ZNF578: variants seen among roughly 807,000 people sequenced by gnomAD.
The protein encoded by ZNF578 is Putative chemokine-related protein B42.
A neutral mutation model predicts 8.3 loss-of-function variants in ZNF578; 8 were observed. The observed-to-expected ratio is 0.96, with a 90% CI of 0.56 to 1.74. The LOEUF (loss-of-function observed/expected upper bound fraction) is 1.74, where lower values mean the gene tolerates loss of function less well. ZNF578 is among the 40% of genes most tolerant of loss of function. The pLI is 0.00. For missense variants in ZNF578, 726 were observed against 707.5 expected (o/e 1.03, Z -0.30); for synonymous variants, 206 against 232.2 (o/e 0.89, Z 1.03).
intron 2 of ZNF578, chr19:52,458,021 G>T: frequency 6.5e-6 from 1 of 154,026 alleles, no homozygotes; most frequent in South Asian, 1.8e-4. Flanking sequence ...ACTGCTCTTG[G>T]GCAGCAGGAA....
At chr19:52,473,271 G>A (rs138472222) in intron 2 of ZNF578, 30 of 155,318 alleles carry the variant, frequency 1.9e-4, no homozygotes, top group African/African-American at 7.0e-4. Context: ...TGCGGTGTAA[G>A]TTGTGATTTG....
chr19:52,477,003 A>G (rs1170788044), intron 2 of ZNF578, among the ~76,000 whole-genome samples: 1 of 152,236 alleles, frequency 6.6e-6, no homozygotes, highest in East Asian at 1.9e-4. Context: ...GAGAATAAGC[A>G]ACAATTGAGC....
chr19:52,506,988 T>C (rs1288241842), intron 5 of ZNF578, among the ~76,000 whole-genome samples: 24 of 152,180 alleles, frequency 1.6e-4, no homozygotes, highest in Non-Finnish European at 1.5e-5. Context: ...CGCAGTGGCT[T>C]ATGCCTCTAT....
chr19:52,484,886 C>T (rs1389566722), intron 2 of ZNF578, among the ~76,000 whole-genome samples: 1 of 150,256 alleles, frequency 6.7e-6, no homozygotes, highest in Admixed American at 6.6e-5. Context: ...CCGCCTGCAC[C>T]CAGGTGAAAT....
Position 52,511,666 on chromosome 19 carries a change from T to G in ZNF578, c.1285T>G (p.Cys429Gly), listed in dbSNP as rs1293111989. The change falls in exon 6 of 6, where the codon TGT becomes GGT. Residue 429 changes from cysteine (C) to glycine (G), a missense_variant. Transcript: ENST00000421239. ...TCATACTGGAGAGAAACCTTACAAG[T>G]GTAATGACTGTGGTAAGGCTTTTAT... ...RLHTGEKPYKCNDCGKAFIHQ... is the reference protein window; with the variant it reads ...RLHTGEKPYKGNDCGKAFIHQ... 21 of 1,613,896 alleles carry G rather than the reference T, an allele frequency of 1.3e-5. No homozygotes were observed. The highest frequency in any genetic ancestry group is 1.8e-5 in the Non-Finnish European group (21 of 1,179,946).
In ZNF578 at chr19:52,511,806, A is replaced by T; in HGVS notation, c.1425A>T (p.Ile475=). 1 of 1,613,844 alleles carries T rather than the reference A, an allele frequency of 6.2e-7. No homozygotes were observed. The highest frequency in any genetic ancestry group is 8.5e-7 in the Non-Finnish European group (1 of 1,179,886). ...AATCAAACCTTGAGAGACACAAGAT[A>T]ATTCATACTGGAGAGAAACCTTACA... ...SQKSNLERHK[I]IHTGEKPYKC... Residue 475 remains isoleucine, a synonymous_variant, in exon 6 of 6, where the codon ATA becomes ATT. Coordinates refer to ENST00000421239, the MANE Select transcript of ZNF578 (RefSeq NM_001099694.2).
At chr19:52,501,753 C>A in intron 3 of ZNF578, 74 bp from the exon 4 acceptor site, 1 of 1,503,952 alleles carries the variant, frequency 6.6e-7, no homozygotes. Flanking sequence ...GATGTCTCCC[C>A]GTTCCTGTGT....
intron 2 of ZNF578, among the ~76,000 whole-genome samples, chr19:52,477,300 C>T (rs991981225): frequency 2.7e-4 from 41 of 152,246 alleles, no homozygotes; most frequent in African/African-American, 9.9e-4. Flanking sequence ...AATGTTTCTT[C>T]TGGGACCCAC....
rs753246235 is a variant in ZNF578, at chr19:52,512,105, C to G, written c.1724C>G (p.Ala575Gly). ...KPYKCNECGK[A>G]HNHLIDSSIK... ...TACAAGTGTAATGAGTGTGGTAAGG[C>G]TCACAATCACTTGATTGATTCATCA... Residue 575 changes from alanine to glycine, a missense_variant, in exon 6 of 6, where the codon GCT (alanine) becomes GGT (glycine). Coordinates refer to ENST00000421239, the MANE Select transcript of ZNF578 (RefSeq NM_001099694.2). The G allele has an allele frequency of 1.1e-5, 18 of 1,612,718 alleles. No individual in the cohort carries two copies. Among genetic ancestry groups the G allele is most frequent in the Non-Finnish European group, 1.5e-5 (18 of 1,179,542 alleles).
At chr19:52,508,366 A>AG (rs2059432602) in intron 5 of ZNF578, among the ~76,000 whole-genome samples, 1 of 143,868 alleles carries the variant, frequency 7.0e-6, no homozygotes, top group African/African-American at 2.5e-5. Flanking sequence ...GAGAGAGAGA[A>AG]AGAGAAAGTG....
Position 52,511,140 on chromosome 19 carries a change from T to G in ZNF578, c.759T>G (p.His253Gln), listed in dbSNP as rs2059443882. The G allele has an allele frequency of 1.2e-6, 2 of 1,614,150 alleles. No individual in the cohort carries two copies. Among genetic ancestry groups the G allele is most frequent in the Non-Finnish European group, 1.7e-6 (2 of 1,179,978 alleles). Residue 253 changes from histidine (H) to glutamine (Q), a missense_variant, in exon 6 of 6, where the codon CAT (histidine) becomes CAG (glutamine). His to Gln is a conservative substitution (Grantham distance 24). Coordinates refer to ENST00000421239, the MANE Select transcript of ZNF578 (RefSeq NM_001099694.2). Reference protein sequence around the residue: ...SSFVRKHQIIHLGEKQYKFDI... With the variant: ...SSFVRKHQIIQLGEKQYKFDI... The stretch of plus-strand genomic sequence containing the variant: ...TTGTAAGGAAACATCAGATAATCCA[T>G]TTAGGAGAAAAACAATATAAATTTG...
At chr19:52,504,176 C>A (rs1048520744) in intron 4 of ZNF578, among the ~76,000 whole-genome samples, 25 of 151,460 alleles carry the variant, frequency 1.7e-4, no homozygotes, top group Non-Finnish European at 2.9e-4. Context: ...CTGCGGCCTC[C>A]ATCTCCTGAC....
intron 3 of ZNF578, among the ~76,000 whole-genome samples, chr19:52,497,601 T>C (rs1257217790): frequency 6.6e-6 from 1 of 152,200 alleles, no homozygotes; most frequent in Non-Finnish European, 1.5e-5. Context: ...TTTTTGAACA[T>C]TTTAAAATTG....
At chr19:52,494,643 A>G (rs570090812) in intron 3 of ZNF578, among the ~76,000 whole-genome samples, 2 of 152,292 alleles carry the variant, frequency 1.3e-5, no homozygotes, top group South Asian at 2.1e-4. Context: ...TAAAAGTCCT[A>G]TCTGTGAGTC....
At chr19:52,508,277 A>C (rs2059432239) in intron 5 of ZNF578, among the ~76,000 whole-genome samples, 1 of 151,200 alleles carries the variant, frequency 6.6e-6, no homozygotes, top group South Asian at 2.1e-4. Context: ...CCCGGGAGGC[A>C]AAGTTGCAGT....
At position 52,490,544 on chromosome 19, in the gene ZNF578, G is replaced by A. The variant is rs139597097; in HGVS notation, c.-121-780G>A. Among the ~76,000 whole-genome samples, 1,018 of 152,256 alleles carry A rather than the reference G, an allele frequency of 6.7e-3. 8 individuals carry two copies. Among genetic ancestry groups the A allele is most frequent in the Non-Finnish European group, 0.01 (692 of 68,018 alleles). ...GCTTTTCAGTATATGATATGTAATG[G>A]AACTGACACACTGCACTAGTTAAAT... On this transcript the variant is annotated intron_variant, in intron 2 of 5. Transcript: ENST00000421239.
At chr19:52,493,334 C>A (rs1599902876) in intron 3 of ZNF578, among the ~76,000 whole-genome samples, 2 of 152,272 alleles carry the variant, frequency 1.3e-5, no homozygotes, top group African/African-American at 2.4e-5. Context: ...CCGGGCCCTG[C>A]TGCTCCCGTA....
At chr19:52,491,585 T>C (rs1364135656) in intron 3 of ZNF578, among the ~76,000 whole-genome samples, 160 bp downstream of exon 3, 1 of 152,146 alleles carries the variant, frequency 6.6e-6, no homozygotes. Flanking sequence ...CATGGTCGTG[T>C]GCGCTTGTAA....
intron 2 of ZNF578, chr19:52,474,486 A>G (rs541004257): frequency 1.3e-5 from 4 of 317,160 alleles, no homozygotes; most frequent in South Asian, 9.2e-5. Context: ...GCTTCTCTCC[A>G]GTATGAATTA....
Sources: allele counts gnomAD v4.1 joint callset (sites outside exome capture counted in the v4.1 genomes callset), GRCh38; gene constraint gnomAD v4.1.1; transcripts MANE v1.5; gene names NCBI Gene and HGNC (gene_info 2026-07-23, HGNC 2026-07-21).